Variants in CHID1 observed in about 807,000 individuals in gnomAD.
CHID1 encodes chitinase domain-containing protein 1.
CHID1 carries 44 observed loss-of-function variants against 55.4 expected under a neutral mutation model. The ratio of observed to expected loss-of-function variants is 0.79; its 90% CI spans 0.62 to 1.02. The LOEUF (loss-of-function observed/expected upper bound fraction) is 1.02. Ranked by LOEUF, CHID1 falls within the 50% of genes least tolerant of loss-of-function variation. The pLI, the probability that CHID1 is intolerant of heterozygous loss-of-function variation, is 0.00. For synonymous variants in CHID1, 216 were observed against 212.9 expected, an observed-to-expected ratio of 1.01 and a Z score of -0.13; for missense variants, 491 against 515.3, an observed-to-expected ratio of 0.95 and a Z score of 0.46.
At chr11:892,235 G>A (rs1349527032) in intron 8 of CHID1, among the ~76,000 whole-genome samples, 1 of 152,214 alleles carries the variant, frequency 6.6e-6, no homozygotes, top group Non-Finnish European at 1.5e-5. Flanking sequence ...TTGCTGGGCT[G>A]CAGGAGCAGA....
At chr11:876,166 G>T (rs1849502959) in intron 10 of CHID1, among the ~76,000 whole-genome samples, 1 of 152,216 alleles carries the variant, frequency 6.6e-6, no homozygotes, top group South Asian at 2.1e-4. Context: ...TGCAAGGACA[G>T]ATAAGCCTCG....
At chr11:905,531 G>A (rs1852147661) in intron 1 of CHID1, among the ~76,000 whole-genome samples, 1 of 152,282 alleles carries the variant, frequency 6.6e-6, no homozygotes, top group African/African-American at 2.4e-5. Context: ...TTAGCCAGGT[G>A]TGGTGGCGTG....
intron 11 of CHID1, 28 bp downstream of exon 11, chr11:870,391 G>T: frequency 6.3e-7 from 1 of 1,577,622 alleles, no homozygotes; most frequent in Non-Finnish European, 8.7e-7. Flanking sequence ...ACAAGGCCAA[G>T]GTGGGCCACG....
At chr11:911,326 G>C (rs909752072), upstream of CHID1, 5 of 152,234 alleles carry the variant, frequency 3.3e-5, no homozygotes, top group African/African-American at 1.2e-4. Context: ...CCCGAAACGC[G>C]CGCTCTCTCG....
chr11:870,579 C>T (rs1052775635), intron 10 of CHID1, 80 bp from the exon 11 acceptor site: 2 of 1,052,576 alleles, frequency 1.9e-6, no homozygotes, highest in Non-Finnish European at 2.9e-6. Context: ...GGCTGTGGCT[C>T]TCAGCAGGGG....
chr11:909,486 T>A (rs576792393), intron 1 of CHID1, among the ~76,000 whole-genome samples: 5 of 152,310 alleles, frequency 3.3e-5, no homozygotes, highest in African/African-American at 1.2e-4. Context: ...CAGGACCTCC[T>A]CGGTGGTGTT....
chr11:870,638 C>T (rs546534404), intron 10 of CHID1, 139 bp from the exon 11 acceptor site: 646 of 639,070 alleles, frequency 1.0e-3, no homozygotes, highest in Non-Finnish European at 1.5e-3. Flanking sequence ...GGGGACAACA[C>T]CTGGTGGGGT....
chr11:904,104 C>G (rs1226828900), intron 2 of CHID1, among the ~76,000 whole-genome samples: 2 of 152,248 alleles, frequency 1.3e-5, no homozygotes, highest in African/African-American at 4.8e-5. Context: ...CCGGCTCAGC[C>G]TCCCCTTGAC....
At chr11:900,485 T>C (rs4963179) in intron 5 of CHID1, among the ~76,000 whole-genome samples, 65,336 of 151,956 alleles carry the variant, frequency 0.43, 15,426 homozygotes, top group Non-Finnish European at 0.52. Flanking sequence ...CCTTGGCAAC[T>C]TGTGCTCTTA....
At chr11:895,042 T>C (rs940877065) in intron 7 of CHID1, among the ~76,000 whole-genome samples, 3 of 152,176 alleles carry the variant, frequency 2.0e-5, no homozygotes, top group African/African-American at 7.2e-5. Context: ...CACAACTCTA[T>C]GGGTACCAGA....
At chr11:894,068 G>A (rs567143018) in intron 7 of CHID1, among the ~76,000 whole-genome samples, 2 of 140,460 alleles carry the variant, frequency 1.4e-5, no homozygotes, top group South Asian at 4.6e-4. Flanking sequence ...GTTGCAGTGA[G>A]CTGAGATCGC....
At chr11:913,429 T>C (rs899165532), upstream of CHID1, among the ~76,000 whole-genome samples, 13 of 152,232 alleles carry the variant, frequency 8.5e-5, no homozygotes, top group African/African-American at 2.9e-4. Flanking sequence ...TGTTGAAAAT[T>C]GCTTAATTGA....
rs1589842602 is a variant in CHID1 at position 884,127 on chromosome 11, C to G, written c.744G>C (p.Gln248His). The change falls in exon 9 of 13, where the codon CAG (glutamine) becomes CAC (histidine). Residue 248 changes from glutamine to histidine, a missense_variant. Transcript: ENST00000323578. ...TGAAACCATCCAGCACGGGGGCCAG[C>G]TGCTCAAACTCCTTGTGCGTGAACA... ...LGMFTHKEFE[Q>H]LAPVLDGFSL... The G allele has an allele frequency of 1.2e-6, 2 of 1,614,170 alleles. No homozygotes were observed. Among genetic ancestry groups the G allele is most frequent in the Middle Eastern group, 1.7e-4 (1 of 6,058 alleles).
At chr11:883,418 G>T (rs1445417632) in intron 9 of CHID1, 115 bp from the exon 10 acceptor site, 7 of 1,111,286 alleles carry the variant, frequency 6.3e-6, no homozygotes, top group East Asian at 2.4e-5. Flanking sequence ...GACACCTCTA[G>T]AGAGTTGTAA....
chr11:900,133 C>T lies in CHID1; in HGVS notation c.440-23G>A, dbSNP rs369722522. On this transcript the variant is annotated intron_variant, in intron 5 of 12. Coordinates refer to ENST00000323578, the MANE Select transcript of CHID1 (RefSeq NM_023947.4). ...GCACTGCAGGGGCAACAGACACACA[C>T]GGGGGCCGTGACTGGGAGATGCTGG... The T allele has an allele frequency of 1.4e-4, 215 of 1,584,522 alleles. 1 individual carries two copies. Among genetic ancestry groups the T allele is most frequent in the South Asian group, 2.3e-4 (21 of 90,530 alleles).
chr11:902,276 T>A lies in CHID1; in HGVS notation c.316A>T (p.Ile106Phe), dbSNP rs1851877439. Residue 106 changes from isoleucine (I) to phenylalanine (F), a missense_variant, in exon 4 of 13, where the codon ATC becomes TTC. By Grantham distance (21) the Ile-to-Phe change is conservative (BLOSUM62 0). Coordinates refer to ENST00000323578, the MANE Select transcript of CHID1 (RefSeq NM_023947.4). ...TTCAGCTGCAGCCAGACGGGTGAGA[T>A]CTGTGTGAACTTGCTCCCAAAGACC... is the stretch of plus-strand genomic sequence containing the variant. ...TKVFGSKFTQISPVWLQLKRR... is the reference protein window; with the variant it reads ...TKVFGSKFTQFSPVWLQLKRR... 3 of 1,613,812 alleles carry A rather than the reference T, an allele frequency of 1.9e-6. No homozygotes were observed. The highest frequency in any genetic ancestry group is 2.5e-6 in the Non-Finnish European group (3 of 1,179,980).
intron 1 of CHID1, among the ~76,000 whole-genome samples, chr11:909,500 G>A (rs1489537644): frequency 1.3e-5 from 2 of 152,206 alleles, no homozygotes; most frequent in South Asian, 2.1e-4. Flanking sequence ...TGGTGTTGAT[G>A]GAAATGATGG....
chr11:896,515 C>G (rs1419060625), intron 7 of CHID1, among the ~76,000 whole-genome samples: 31 of 130,926 alleles, frequency 2.4e-4, no homozygotes, highest in African/African-American at 8.7e-4. Flanking sequence ...CTCAGCACCC[C>G]CAGCCTCCAC....
chr11:871,788 A>G (rs1175347863), intron 10 of CHID1, among the ~76,000 whole-genome samples: 1 of 151,634 alleles, frequency 6.6e-6, no homozygotes, highest in Non-Finnish European at 1.5e-5. Context: ...ACAGATGGAC[A>G]GTGCAGGGTT....
Sources: allele counts gnomAD v4.1 joint callset (sites outside exome capture counted in the v4.1 genomes callset), GRCh38; gene constraint gnomAD v4.1.1; transcripts MANE v1.5; gene names NCBI Gene and HGNC (gene_info 2026-07-23, HGNC 2026-07-21).